The following LCORL variants were observed in gnomAD, a reference collection of about 807,000 sequenced individuals.
The protein encoded by LCORL is ligand-dependent nuclear receptor corepressor-like protein.
A neutral mutation model predicts 141.8 loss-of-function variants in LCORL; 41 were observed. The ratio of observed to expected loss-of-function variants is 0.29; its 90% CI spans 0.23 to 0.38. The LOEUF (loss-of-function observed/expected upper bound fraction) is 0.38. Among genes scored for constraint, LCORL ranks in the 10% least tolerant of loss-of-function variants. The pLI is 1.00. For synonymous variants in LCORL, 618 were observed against 694.1 expected, an observed-to-expected ratio of 0.89 and a Z score of 1.72; for missense variants, 1,759 against 2,035.0, an observed-to-expected ratio of 0.86 and a Z score of 2.61.
rs568088146 is a variant in LCORL at position 17,849,133 on chromosome 4, C to G, written c.5603-3232G>C. ...AGACAAACAAAAAGACAGCAGAAAC[C>G]TCTGCAGACTTAAATGTCCCTGTCT... On this transcript the variant is annotated intron_variant, in intron 7 of 7. Transcript: ENST00000635767. 1.0e-4 allele frequency among the ~76,000 whole-genome samples: 16 copies of G among 152,394 alleles called. No homozygotes were observed. In the East Asian group the frequency reaches 2.3e-3, roughly 22 times the overall value.
intron 7 of LCORL, among the ~76,000 whole-genome samples, chr4:17,848,064 C>T (rs2109089964): frequency 6.6e-6 from 1 of 152,238 alleles, no homozygotes. Flanking sequence ...TTTTCAAAAA[C>T]ATACGGCGGT....
chr4:17,889,778 C>T (rs889188193), intron 5 of LCORL, among the ~76,000 whole-genome samples: 1 of 152,014 alleles, frequency 6.6e-6, no homozygotes, highest in Non-Finnish European at 1.5e-5. Flanking sequence ...TCATAATTTA[C>T]ATTTATCTGA....
intron 1 of LCORL, among the ~76,000 whole-genome samples, chr4:17,999,280 C>T (rs552760516): frequency 4.0e-5 from 6 of 151,424 alleles, no homozygotes; most frequent in Admixed American, 2.0e-4. Flanking sequence ...GGTGAAACCC[C>T]GTCTCTACTA....
chr4:17,997,496 A>C (rs1721096717), intron 1 of LCORL, among the ~76,000 whole-genome samples: 1 of 152,198 alleles, frequency 6.6e-6, no homozygotes, highest in Non-Finnish European at 1.5e-5. Flanking sequence ...TGCTTTTTCA[A>C]TAAAGAAGCA....
intron 7 of LCORL, among the ~76,000 whole-genome samples, chr4:17,856,038 G>A (rs1031633747): frequency 5.3e-5 from 8 of 152,104 alleles, no homozygotes; most frequent in Non-Finnish European, 8.8e-5. Flanking sequence ...ATTACTTTAA[G>A]CAGTTATCTT....
intron 7 of LCORL, among the ~76,000 whole-genome samples, chr4:17,863,837 C>T (rs1203451568): frequency 6.6e-6 from 1 of 152,304 alleles, no homozygotes; most frequent in Admixed American, 6.5e-5. Flanking sequence ...CGATCATGTC[C>T]TCTGCAGCAA....
intron 1 of LCORL, among the ~76,000 whole-genome samples, chr4:17,980,671 G>A (rs540162516): frequency 6.6e-6 from 1 of 152,250 alleles, no homozygotes; most frequent in African/African-American, 2.4e-5. Flanking sequence ...TTAGAAGAAA[G>A]GTTGATTCAG....
chr4:18,006,523 C>T (rs947610928), intron 1 of LCORL, among the ~76,000 whole-genome samples: 1 of 152,092 alleles, frequency 6.6e-6, no homozygotes, highest in Non-Finnish European at 1.5e-5. Flanking sequence ...TAAAGACATA[C>T]CCAAGACTGG....
chr4:18,012,872 G>A lies in LCORL; in HGVS notation c.154+8726C>T, dbSNP rs186280546. ...CTTACTAAGTATGGTAAATGGTAAC[G>A]CCCATCTAAAAAACAAATATCCCTA... On this transcript the variant is annotated intron_variant, in intron 1 of 7. Coordinates refer to ENST00000635767, the Ensembl canonical transcript of LCORL. Among the ~76,000 whole-genome samples, 24 of 152,226 alleles carry A rather than the reference G, an allele frequency of 1.6e-4. No individual in the cohort carries two copies. The South Asian group carries it at 3.3e-3, about 21-fold the overall frequency.
At chr4:17,956,847 A>G (rs1015652381) in intron 4 of LCORL, among the ~76,000 whole-genome samples, 2 of 152,112 alleles carry the variant, frequency 1.3e-5, no homozygotes, top group South Asian at 2.1e-4. Context: ...TAAATACCCC[A>G]ATTTGTTATT....
At chr4:17,985,641 C>A (rs1467949790) in intron 1 of LCORL, among the ~76,000 whole-genome samples, 1 of 152,028 alleles carries the variant, frequency 6.6e-6, no homozygotes, top group African/African-American at 2.4e-5. Context: ...CTTTTATTTT[C>A]AGCCTATGGG....
Position 17,884,576 on chromosome 4 carries a change from C to A in LCORL, c.776+1492G>T. On this transcript the variant is annotated intron_variant, in intron 6 of 7. Coordinates refer to ENST00000635767, the Ensembl canonical transcript of LCORL. The surrounding 1 kb of genome is among the most constrained non-coding windows in gnomAD (Gnocchi z 4.4). ...TTTGTTTTTAAAAGATGCAGGCTTC[C>A]CTGCTGGTAAGGCTTCTAAGTGAAG... The A allele has an allele frequency of 6.5e-7, 1 of 1,539,678 alleles. No homozygotes were observed. Among genetic ancestry groups the A allele is most frequent in the Admixed American group, 2.1e-5 (1 of 47,380 alleles).
chr4:18,003,843 TCACATAAAAATAC>T (rs1722369765), intron 1 of LCORL, among the ~76,000 whole-genome samples: 1 of 152,154 alleles, frequency 6.6e-6, no homozygotes, highest in Admixed American at 6.5e-5. Flanking sequence ...ATTCAACATA[TCACATAAAAATAC>T]CACATAAAGT....
intron 7 of LCORL, among the ~76,000 whole-genome samples, chr4:17,868,429 C>T (rs2109155099): frequency 6.6e-6 from 1 of 152,040 alleles, no homozygotes; most frequent in South Asian, 2.1e-4. Flanking sequence ...TTCAAGACCA[C>T]ATTAGGTTAT....
exon 8 of LCORL, chr4:17,843,101 A>G: frequency 2.2e-6 from 1 of 462,476 alleles, no homozygotes; most frequent in South Asian, 3.0e-5. Context: ...ATCATTAGCT[A>G]GATTTTCCCT....
At chr4:17,985,760 C>A (rs148130292) in intron 1 of LCORL, among the ~76,000 whole-genome samples, 5 of 152,160 alleles carry the variant, frequency 3.3e-5, no homozygotes, top group Admixed American at 2.0e-4. Flanking sequence ...TACCCATTAA[C>A]ATTCAACATT....
chr4:17,949,397 T>C (rs1367521358), intron 4 of LCORL, among the ~76,000 whole-genome samples: 1 of 152,112 alleles, frequency 6.6e-6, no homozygotes, highest in Non-Finnish European at 1.5e-5. Context: ...TTTATTATAA[T>C]GCGTCCTTGA....
At chr4:17,856,097 A>C (rs1443902261) in intron 7 of LCORL, among the ~76,000 whole-genome samples, 1 of 152,230 alleles carries the variant, frequency 6.6e-6, no homozygotes, top group East Asian at 1.9e-4. Flanking sequence ...AAACGATTCC[A>C]GTATGGCTTC....
chr4:17,924,054 G>GGGCTGTA (rs1303093112), intron 4 of LCORL, among the ~76,000 whole-genome samples: 1 of 151,920 alleles, frequency 6.6e-6, no homozygotes, highest in Non-Finnish European at 1.5e-5. Flanking sequence ...ACCGATTCAC[G>GGGCTGTA]GGCTGTAGCC....
Sources: gnomAD v4.1 joint callset for allele counts (sites outside exome capture counted in the v4.1 genomes callset) on GRCh38, gnomAD v4.1.1 for gene constraint, Gnocchi (gnomAD v3.1) non-coding constraint, MANE v1.5 for transcripts, NCBI Gene and HGNC (gene_info 2026-07-23, HGNC 2026-07-21) for gene names.